RIMS1: variants seen among roughly 807,000 people sequenced by gnomAD.
RIMS1 encodes the protein regulating synaptic membrane exocytosis 1, also known as regulating synaptic membrane exocytosis protein 1.
A neutral mutation model predicts 214.1 loss-of-function variants in RIMS1; 83 were observed. The observed-to-expected ratio is 0.39, with a 90% CI of 0.32 to 0.47. The LOEUF is 0.47. RIMS1 is among the 20% of genes least tolerant of loss of function. The pLI, the probability that RIMS1 is intolerant of heterozygous loss-of-function variation, is 0.99. For missense variants in RIMS1, 2,050 were observed against 2,161.8 expected (o/e 0.95, Z 1.03); for synonymous variants, 793 against 786.8 (o/e 1.01, Z -0.13).
intron 29 of RIMS1, among the ~76,000 whole-genome samples, chr6:72,344,974 A>C (rs905399450): frequency 6.6e-6 from 1 of 151,746 alleles, no homozygotes; most frequent in Non-Finnish European, 1.5e-5. Flanking sequence ...AAGGAAACTA[A>C]ATTTATTAAG....
intron 8 of RIMS1, among the ~76,000 whole-genome samples, chr6:72,236,202 A>T: frequency 6.6e-6 from 1 of 152,138 alleles, no homozygotes; most frequent in East Asian, 1.9e-4. Flanking sequence ...TCTTCATTTT[A>T]AATTATATAT....
chr6:71,987,825 G>C (rs1015102710), intron 2 of RIMS1, among the ~76,000 whole-genome samples: 1 of 152,184 alleles, frequency 6.6e-6, no homozygotes, highest in African/African-American at 2.4e-5. Context: ...GCTGGGAATA[G>C]AGAGTTGCCT....
chr6:72,273,642 A>G (rs572289899), intron 22 of RIMS1, among the ~76,000 whole-genome samples: 4 of 152,114 alleles, frequency 2.6e-5, no homozygotes, highest in Non-Finnish European at 4.4e-5. Context: ...GCAAATAAAA[A>G]CCAGTGAAAC....
At chr6:72,234,619 T>C (rs1281572782) in intron 7 of RIMS1, among the ~76,000 whole-genome samples, 1 of 152,062 alleles carries the variant, frequency 6.6e-6, no homozygotes, top group East Asian at 1.9e-4. Context: ...ATGTTATACA[T>C]TCTGTGGTTT....
At chr6:72,321,820 C>G (rs1200190641) in intron 28 of RIMS1, among the ~76,000 whole-genome samples, 1 of 152,044 alleles carries the variant, frequency 6.6e-6, no homozygotes. Flanking sequence ...CAGTTATCCC[C>G]TTCTGGGGAC....
chr6:72,099,992 A>T lies in RIMS1; in HGVS notation c.471+6A>T. ...TCCCAAAGGAGGACAAAGTGGTTAG[A>T]ATCCATACTTTCTTTTCTATCATTT... On this transcript the variant is annotated splice_donor_region_variant and intron_variant, in intron 4 of 33. Coordinates refer to ENST00000521978, the MANE Select transcript of RIMS1 (RefSeq NM_014989.7). The T allele has an allele frequency of 6.3e-7, 1 of 1,599,208 alleles. No individual in the cohort carries two copies.
At chr6:71,986,142 A>G (rs1015657609) in intron 2 of RIMS1, among the ~76,000 whole-genome samples, 1 of 151,868 alleles carries the variant, frequency 6.6e-6, no homozygotes, top group African/African-American at 2.4e-5. Flanking sequence ...GTACGTCAGA[A>G]ATTCAAACTT....
At chr6:72,095,740 T>G (rs1168140284) in intron 2 of RIMS1, among the ~76,000 whole-genome samples, 1 of 152,216 alleles carries the variant, frequency 6.6e-6, no homozygotes, top group Non-Finnish European at 1.5e-5. Flanking sequence ...CTTATTTGAT[T>G]CTATTTCCAG....
chr6:72,096,488 A>G (rs922758839), intron 2 of RIMS1, among the ~76,000 whole-genome samples: 2 of 152,206 alleles, frequency 1.3e-5, no homozygotes, highest in Admixed American at 1.3e-4. Context: ...TGACAAACTT[A>G]TTTTTGAATT....
chr6:72,320,521 T>A (rs1157212750), intron 28 of RIMS1, among the ~76,000 whole-genome samples: 2 of 152,128 alleles, frequency 1.3e-5, no homozygotes, highest in Non-Finnish European at 2.9e-5. Context: ...TCTCTAGTTA[T>A]TACCTGTTTT....
At chr6:72,354,795 C>T (rs768095421) in intron 29 of RIMS1, among the ~76,000 whole-genome samples, 1 of 152,154 alleles carries the variant, frequency 6.6e-6, no homozygotes, top group Admixed American at 6.5e-5. Context: ...GTGCTTTAGA[C>T]CTTTTGGGGT....
intron 3 of RIMS1, among the ~76,000 whole-genome samples, chr6:72,098,546 C>T (rs1419019394): frequency 5.4e-5 from 8 of 149,418 alleles, no homozygotes; most frequent in Non-Finnish European, 7.5e-5. Context: ...CCGCCCGTCT[C>T]GGCTTCCCAA....
intron 29 of RIMS1, among the ~76,000 whole-genome samples, chr6:72,339,613 C>A (rs2096974209): frequency 6.6e-6 from 1 of 151,724 alleles, no homozygotes; most frequent in South Asian, 2.1e-4. Flanking sequence ...AGGACATGAA[C>A]TCATCATTTT....
intron 2 of RIMS1, among the ~76,000 whole-genome samples, chr6:71,999,348 A>C (rs1804421435): frequency 6.6e-6 from 1 of 152,150 alleles, no homozygotes; most frequent in African/African-American, 2.4e-5. Flanking sequence ...TCCTGACTTG[A>C]ATGAGAATGC....
At chr6:72,171,412 A>G (rs1342441154) in intron 4 of RIMS1, among the ~76,000 whole-genome samples, 14 of 151,466 alleles carry the variant, frequency 9.2e-5, no homozygotes, top group Admixed American at 9.2e-4. Flanking sequence ...ACACACCTCC[A>G]TGGGAAAAAA....
intron 2 of RIMS1, among the ~76,000 whole-genome samples, chr6:72,016,767 A>C: frequency 6.6e-6 from 1 of 152,122 alleles, no homozygotes; most frequent in African/African-American, 2.4e-5. Flanking sequence ...CAATATTTTG[A>C]GGAGACAGTT....
chr6:72,195,918 G>A (rs12524194), intron 6 of RIMS1, among the ~76,000 whole-genome samples: 26,998 of 151,974 alleles, frequency 0.18, 3,014 homozygotes, highest in Non-Finnish European at 0.25. Context: ...GAGAGCGAGA[G>A]TATGAAGGAG....
chr6:71,989,504 A>G (rs903299005), intron 2 of RIMS1, among the ~76,000 whole-genome samples: 1 of 152,194 alleles, frequency 6.6e-6, no homozygotes, highest in African/African-American at 2.4e-5. Flanking sequence ...TTTATTTAAG[A>G]TGAATTCACA....
intron 2 of RIMS1, among the ~76,000 whole-genome samples, chr6:72,056,498 A>G (rs1006413552): frequency 6.6e-6 from 1 of 152,248 alleles, no homozygotes; most frequent in Non-Finnish European, 1.5e-5. Context: ...ATTATTATGC[A>G]TAACTGAAGT....
Sources: allele counts gnomAD v4.1 joint callset (sites outside exome capture counted in the v4.1 genomes callset), GRCh38; gene constraint gnomAD v4.1.1; transcripts MANE v1.5; gene names NCBI Gene and HGNC (gene_info 2026-07-23, HGNC 2026-07-21).